The following AGBL4 variants were observed in gnomAD, a reference collection of about 807,000 sequenced individuals.
The protein encoded by AGBL4 is cytosolic carboxypeptidase 6.
AGBL4 carries 58 observed loss-of-function variants against 66.4 expected under a neutral mutation model. The observed-to-expected ratio is 0.87, with a 90% CI of 0.71 to 1.09. AGBL4 has a LOEUF of 1.09. Among genes scored for constraint, AGBL4 ranks in the 50% least tolerant of loss-of-function variants. The pLI, the probability that AGBL4 is intolerant of heterozygous loss-of-function variation, is 0.00. For missense variants in AGBL4, 579 were observed against 631.0 expected, an observed-to-expected ratio of 0.92 and a Z score of 0.88; for synonymous variants, 234 against 222.9, an observed-to-expected ratio of 1.05 and a Z score of -0.44.
At chr1:49,333,830 C>T (rs1434965379) in intron 3 of AGBL4, among the ~76,000 whole-genome samples, 1 of 152,126 alleles carries the variant, frequency 6.6e-6, no homozygotes, top group Non-Finnish European at 1.5e-5. Context: ...TAAACTCAAT[C>T]CAACTGGAAA....
intron 6 of AGBL4, among the ~76,000 whole-genome samples, chr1:48,846,380 A>C (rs1222682085): frequency 6.7e-6 from 1 of 149,520 alleles, no homozygotes; most frequent in Non-Finnish European, 1.5e-5. Context: ...AAAGAAAGAA[A>C]GAAAGAAAGA....
At chr1:48,634,217 C>A (rs1024344313) in intron 9 of AGBL4, 11 of 211,354 alleles carry the variant, frequency 5.2e-5, no homozygotes, top group African/African-American at 2.5e-4. Context: ...AGCTTGTAAC[C>A]AAAGATCCCT....
intron 5 of AGBL4, among the ~76,000 whole-genome samples, chr1:48,974,370 G>T (rs1003471590): frequency 1.3e-5 from 2 of 152,096 alleles, no homozygotes. Context: ...ATGCAGCAGT[G>T]GATTTCAGCA....
chr1:49,358,123 T>TA (rs1326320484), intron 3 of AGBL4, among the ~76,000 whole-genome samples: 1 of 152,266 alleles, frequency 6.6e-6, no homozygotes, highest in East Asian at 1.9e-4. Flanking sequence ...ATTAAAGAAT[T>TA]AGAGAAACTG....
chr1:48,755,145 T>G (rs1271254427), intron 6 of AGBL4, among the ~76,000 whole-genome samples: 1 of 152,162 alleles, frequency 6.6e-6, no homozygotes, highest in African/African-American at 2.4e-5. Context: ...CCCCCACCCT[T>G]GGGTGTGGCT....
intron 1 of AGBL4, among the ~76,000 whole-genome samples, chr1:49,894,550 T>C (rs1365989618): frequency 2.0e-5 from 3 of 152,062 alleles, no homozygotes; most frequent in Admixed American, 6.6e-5. Flanking sequence ...ATCAGATAAA[T>C]TTAACAAAGA....
intron 1 of AGBL4, among the ~76,000 whole-genome samples, chr1:49,911,255 T>C (rs186681962): frequency 6.6e-6 from 1 of 152,092 alleles, no homozygotes. Context: ...CTTTTGTAAC[T>C]GAAATAAATA....
intron 3 of AGBL4, among the ~76,000 whole-genome samples, chr1:49,667,070 A>C (rs1646385732): frequency 6.6e-6 from 1 of 152,172 alleles, no homozygotes; most frequent in Non-Finnish European, 1.5e-5. Context: ...CAAAACAAGA[A>C]GATAGTTGTG....
At position 48,968,766 on chromosome 1, in the gene AGBL4, C is replaced by T. The variant is rs193105911; in HGVS notation, c.594+76818G>A. Among the ~76,000 whole-genome samples, 178 of 152,200 alleles carry T rather than the reference C, an allele frequency of 1.2e-3. 1 individual carries two copies. The highest frequency in any genetic ancestry group is 1.9e-4 in the Non-Finnish European group (13 of 67,996). On this transcript the variant is annotated intron_variant, in intron 5 of 13. Coordinates refer to ENST00000371839, the MANE Select transcript of AGBL4 (RefSeq NM_032785.4). ...TCTACCACCTTCTTCCAGTCCAAGT[C>T]AATTGCATTGTTTTTCATAAGCTTG...
intron 6 of AGBL4, among the ~76,000 whole-genome samples, chr1:48,827,556 C>G (rs1646453075): frequency 6.6e-6 from 1 of 152,202 alleles, no homozygotes; most frequent in Non-Finnish European, 1.5e-5. Context: ...GATTGTCTGG[C>G]TCCATGTCCT....
At chr1:48,714,586 C>T (rs2148522774) in intron 6 of AGBL4, among the ~76,000 whole-genome samples, 1 of 152,380 alleles carries the variant, frequency 6.6e-6, no homozygotes, top group South Asian at 2.1e-4. Context: ...TTCCTAACTC[C>T]AGTCTCACCC....
At chr1:48,770,145 A>T (rs1262779196) in intron 6 of AGBL4, among the ~76,000 whole-genome samples, 1 of 152,052 alleles carries the variant, frequency 6.6e-6, no homozygotes, top group South Asian at 2.1e-4. Flanking sequence ...TCTGACCCCA[A>T]CTCTGCTTTC....
intron 2 of AGBL4, among the ~76,000 whole-genome samples, chr1:49,775,173 G>A (rs1644166197): frequency 1.3e-5 from 2 of 152,136 alleles, no homozygotes; most frequent in Non-Finnish European, 2.9e-5. Context: ...ACGTGATCTG[G>A]AATTATACAG....
At chr1:49,195,440 G>A (rs180802217) in intron 4 of AGBL4, among the ~76,000 whole-genome samples, 16 of 152,168 alleles carry the variant, frequency 1.1e-4, no homozygotes, top group African/African-American at 3.6e-4. Context: ...TAAAATTCAT[G>A]ACTAACACTC....
At position 49,878,678 on chromosome 1, in the gene AGBL4, A is replaced by G. The variant is rs370095442; in HGVS notation, c.35-27160T>C. On this transcript the variant is annotated intron_variant, in intron 1 of 13. Coordinates refer to ENST00000371839, the MANE Select transcript of AGBL4 (RefSeq NM_032785.4). ...AGTTCTGTAGATGTCTATTAGGTCC[A>G]CTTGGTGCAGAGCTGAGTTCAATTC... Among the ~76,000 whole-genome samples, 431 of 151,306 alleles carry G rather than the reference A, an allele frequency of 2.8e-3. 4 individuals carry two copies. Among genetic ancestry groups the G allele is most frequent in the African/African-American group, 8.8e-3 (361 of 41,056 alleles).
At chr1:49,696,039 C>CAGGAGAAGCTAAACTCCCT (rs1212781607) in intron 3 of AGBL4, among the ~76,000 whole-genome samples, 2 of 152,160 alleles carry the variant, frequency 1.3e-5, no homozygotes, top group Admixed American at 1.3e-4. Flanking sequence ...TAGATTGACT[C>CAGGAGAAGCTAAACTCCCT]AGGAGAAGCT....
chr1:49,415,404 A>G (rs1178123180), intron 3 of AGBL4, among the ~76,000 whole-genome samples: 1 of 152,166 alleles, frequency 6.6e-6, no homozygotes, highest in Non-Finnish European at 1.5e-5. Flanking sequence ...ATAAGTTTCC[A>G]TAAGAAGTTA....
At chr1:48,529,710 C>T (rs773374752), downstream of AGBL4, among the ~76,000 whole-genome samples, 17 of 152,070 alleles carry the variant, frequency 1.1e-4, no homozygotes, top group Admixed American at 2.6e-4. Context: ...AGGCTTATTT[C>T]GCATACCCCA....
Position 49,743,582 on chromosome 1 carries a change from C to T in AGBL4, c.158-46145G>A, listed in dbSNP as rs1024205966. 1.4e-3 allele frequency among the ~76,000 whole-genome samples: 212 copies of T among 151,950 alleles called. 1 individual carries two copies. The highest frequency in any genetic ancestry group is 4.5e-3 in the African/African-American group (187 of 41,428). ...ATACCCAAAGGATTATAAATCATGC[C>T]GCTATAAAGACACATGCGCACGTAT... On this transcript the variant is annotated intron_variant, in intron 2 of 13. Transcript: ENST00000371839.
Sources: gnomAD v4.1 joint callset for allele counts (sites outside exome capture counted in the v4.1 genomes callset) on GRCh38, gnomAD v4.1.1 for gene constraint, MANE v1.5 for transcripts, NCBI Gene and HGNC (gene_info 2026-07-23, HGNC 2026-07-21) for gene names.